WDFY2: variants seen among roughly 807,000 people sequenced by gnomAD.
WDFY2 encodes the protein WD repeat and FYVE domain containing 2, also known as WD repeat and FYVE domain-containing protein 2.
Under a neutral mutation model 56.4 loss-of-function variants are expected in WDFY2, and 36 were observed. The ratio of observed to expected loss-of-function variants is 0.64; its 90% CI spans 0.49 to 0.84. WDFY2 has a LOEUF of 0.84. WDFY2 is among the 40% of genes least tolerant of loss of function. The pLI is 0.00. For missense variants in WDFY2, 444 were observed against 512.2 expected, an observed-to-expected ratio of 0.87 and a Z score of 1.29; for synonymous variants, 176 against 183.7, an observed-to-expected ratio of 0.96 and a Z score of 0.34.
intron 1 of WDFY2, among the ~76,000 whole-genome samples, chr13:51,594,730 G>A (rs891506703): frequency 3.3e-5 from 5 of 152,216 alleles, no homozygotes; most frequent in African/African-American, 1.2e-4. Flanking sequence ...TACAGTCTCA[G>A]TTTCCGTGTC....
intron 1 of WDFY2, among the ~76,000 whole-genome samples, chr13:51,619,041 T>G (rs1294512100): frequency 6.6e-6 from 1 of 152,222 alleles, no homozygotes; most frequent in African/African-American, 2.4e-5. Flanking sequence ...GCTGCAGAGC[T>G]CCAAGTAGGA....
At chr13:51,666,724 ACT>A (rs1396749445) in intron 2 of WDFY2, among the ~76,000 whole-genome samples, 1 of 148,554 alleles carries the variant, frequency 6.7e-6, no homozygotes, top group Non-Finnish European at 1.5e-5. Context: ...ACACACACAC[ACT>A]CTCTCTCTCT....
At chr13:51,735,936 C>T (rs1325685747) in intron 6 of WDFY2, among the ~76,000 whole-genome samples, 4 of 152,170 alleles carry the variant, frequency 2.6e-5, no homozygotes, top group Admixed American at 1.3e-4. Flanking sequence ...ATCTATTTGC[C>T]TTCCTAACTC....
chr13:51,700,840 G>A lies in WDFY2; in HGVS notation c.280-2756G>A, dbSNP rs552262873. The stretch of plus-strand genomic sequence containing the variant: ...AAATTAGCCAGGCGTGGTGGCGCAT[G>A]CCTGTAATCCCAACTACTCGGGAGG... On this transcript the variant is annotated intron_variant, in intron 3 of 11. Transcript: ENST00000298125. Among the ~76,000 whole-genome samples, 33 of 152,194 alleles carry A rather than the reference G, an allele frequency of 2.2e-4. No individual in the cohort carries two copies. In the Middle Eastern group the frequency reaches 0.01, roughly 47 times the overall value.
chr13:51,765,756 G>A lies in WDFY2; in HGVS notation c.*5987G>A, dbSNP rs1328995270. ...AGGTTTGGTTTTGAGAAAAGATGGTGAAGTTTCTTTTCATGAGTTTGTAGG... is the reference window on the plus strand; with the variant it reads ...AGGTTTGGTTTTGAGAAAAGATGGTAAAGTTTCTTTTCATGAGTTTGTAGG... On this transcript the variant is annotated 3_prime_UTR_variant, in exon 12 of 12. Coordinates refer to ENST00000298125, the MANE Select transcript of WDFY2 (RefSeq NM_052950.4). 6.6e-6 allele frequency: 1 copy of A among 152,194 alleles called. No homozygotes were observed. The highest frequency in any genetic ancestry group is 2.4e-5 in the African/African-American group (1 of 41,444). 9.4% of individuals were successfully genotyped at this position (152,194 alleles called of 1,614,324 possible).
At chr13:51,670,737 A>T (rs7320201) in intron 2 of WDFY2, among the ~76,000 whole-genome samples, 70,220 of 151,580 alleles carry the variant, frequency 0.46, 16,553 homozygotes, top group Admixed American at 0.54. Flanking sequence ...TCTTTTTTTT[A>T]ATTTCAGTAG....
At chr13:51,734,421 G>T (rs976314815) in intron 6 of WDFY2, among the ~76,000 whole-genome samples, 4 of 152,062 alleles carry the variant, frequency 2.6e-5, no homozygotes, top group African/African-American at 9.7e-5. Flanking sequence ...AAAAATAGTT[G>T]AAATAAGATA....
intron 1 of WDFY2, among the ~76,000 whole-genome samples, chr13:51,605,199 C>T (rs1350361366): frequency 1.3e-5 from 2 of 152,190 alleles, no homozygotes; most frequent in African/African-American, 4.8e-5. Context: ...TTCTGGATCT[C>T]TAAGTTGATC....
rs140742501 is a variant in WDFY2 at position 51,640,190 on chromosome 13, G to A, written c.138-20406G>A. 2.5e-3 allele frequency among the ~76,000 whole-genome samples: 387 copies of A among 152,252 alleles called. 2 individuals are homozygous for A. Among genetic ancestry groups the A allele is most frequent in the African/African-American group, 8.8e-3 (367 of 41,540 alleles). Reference sequence around the variant, plus strand: ...ATGACAAAAGTGTTTAGTACTGCTTGAATTAATAATCACTACTGTTTTTCT... The same window carrying A: ...ATGACAAAAGTGTTTAGTACTGCTTAAATTAATAATCACTACTGTTTTTCT... On this transcript the variant is annotated intron_variant, in intron 1 of 11. Transcript: ENST00000298125.
intron 1 of WDFY2, among the ~76,000 whole-genome samples, chr13:51,601,914 A>G (rs1003058036): frequency 4.6e-5 from 7 of 152,242 alleles, no homozygotes; most frequent in Admixed American, 3.9e-4. Flanking sequence ...TCAGCTAGCC[A>G]ATCAACAAAT....
chr13:51,654,254 A>C (rs1265440914), intron 1 of WDFY2, among the ~76,000 whole-genome samples: 1 of 152,200 alleles, frequency 6.6e-6, no homozygotes, highest in Non-Finnish European at 1.5e-5. Flanking sequence ...CTGTCGGAAA[A>C]GCACAGTATT....
At chr13:51,751,522 C>T (rs757108314) in intron 8 of WDFY2, 107 bp downstream of exon 8, 45 of 1,076,178 alleles carry the variant, frequency 4.2e-5, no homozygotes, top group South Asian at 3.5e-4. Flanking sequence ...AGGCATGTAA[C>T]GTTAAAGAAT....
chr13:51,679,478 G>A (rs1955942080), intron 3 of WDFY2, among the ~76,000 whole-genome samples: 1 of 152,132 alleles, frequency 6.6e-6, no homozygotes, highest in Admixed American at 6.5e-5. Context: ...TGTGTTATGG[G>A]AAGTTTGATT....
chr13:51,755,610 G>C, intron 9 of WDFY2, 151 bp downstream of exon 9: 1 of 731,674 alleles, frequency 1.4e-6, no homozygotes, highest in East Asian at 2.7e-5. Flanking sequence ...AATTTACTCT[G>C]TCTACCATAG....
chr13:51,716,648 C>A (rs1417171091), intron 4 of WDFY2, among the ~76,000 whole-genome samples: 1 of 145,734 alleles, frequency 6.9e-6, no homozygotes, highest in African/African-American at 2.5e-5. Flanking sequence ...AGCCGAGATC[C>A]CGCCACTGCA....
chr13:51,587,439 G>A (rs1175490366), intron 1 of WDFY2: 1 of 152,156 alleles, frequency 6.6e-6, no homozygotes, highest in African/African-American at 2.4e-5. Flanking sequence ...TGAAAGCACA[G>A]CATCTTAACT....
chr13:51,630,797 A>G (rs1954937972), intron 1 of WDFY2, among the ~76,000 whole-genome samples: 4 of 144,088 alleles, frequency 2.8e-5, no homozygotes, highest in Admixed American at 2.1e-4. Flanking sequence ...CTTTTTTGAG[A>G]CAGAGTTTTT....
intron 9 of WDFY2, 135 bp from the exon 10 acceptor site, chr13:51,756,197 A>C (rs949013190): frequency 2.6e-5 from 33 of 1,282,722 alleles, no homozygotes; most frequent in Non-Finnish European, 3.3e-5. Context: ...TGTTCCCTTT[A>C]GTTCTGGGGC....
At chr13:51,755,541 G>C (rs914471161) in intron 9 of WDFY2, 82 bp downstream of exon 9, 20 of 1,379,074 alleles carry the variant, frequency 1.5e-5, no homozygotes, top group Non-Finnish European at 2.0e-5. Flanking sequence ...TAACACCCCT[G>C]GGTGGGAGTT....
Sources: allele counts gnomAD v4.1 joint callset (sites outside exome capture counted in the v4.1 genomes callset), GRCh38; gene constraint gnomAD v4.1.1; transcripts MANE v1.5; gene names NCBI Gene and HGNC (gene_info 2026-07-23, HGNC 2026-07-21).